The following MEI4 variants were observed in gnomAD, a reference collection of about 807,000 sequenced individuals.
MEI4 encodes meiotic double-stranded break formation protein 4.
A neutral mutation model predicts 31.4 loss-of-function variants in MEI4; 27 were observed. The observed-to-expected ratio is 0.86, with a 90% CI of 0.63 to 1.19. MEI4 has a LOEUF of 1.19. Among genes scored for constraint, MEI4 ranks in the 50% most tolerant of loss-of-function variants. The pLI, the probability that MEI4 is intolerant of heterozygous loss-of-function variation, is 0.00. For synonymous variants in MEI4, 122 were observed against 145.4 expected (o/e 0.84, Z 1.16); for missense variants, 329 against 398.9 (o/e 0.82, Z 1.49).
intron 1 of MEI4, among the ~76,000 whole-genome samples, chr6:77,683,349 A>G (rs534149223): frequency 6.6e-6 from 1 of 152,320 alleles, no homozygotes; most frequent in South Asian, 2.1e-4. Flanking sequence ...AGACATTGAG[A>G]AATGATTAAG....
At chr6:77,821,391 A>G (rs142426890) in intron 3 of MEI4, among the ~76,000 whole-genome samples, 190 of 152,244 alleles carry the variant, frequency 1.2e-3, no homozygotes, top group African/African-American at 4.4e-3. Flanking sequence ...TTGTATTTGC[A>G]TCTTGCAGTT....
At chr6:77,830,095 T>C (rs1582191897) in intron 4 of MEI4, among the ~76,000 whole-genome samples, 1 of 152,070 alleles carries the variant, frequency 6.6e-6, no homozygotes, top group African/African-American at 2.4e-5. Context: ...GATGTTTTCA[T>C]AGGAGTTCCA....
chr6:77,840,357 G>A (rs981625095), intron 4 of MEI4, among the ~76,000 whole-genome samples: 10 of 152,102 alleles, frequency 6.6e-5, no homozygotes, highest in Admixed American at 2.0e-4. Flanking sequence ...AGGAATCTGT[G>A]AAACAATACC....
intron 4 of MEI4, among the ~76,000 whole-genome samples, chr6:77,905,941 G>T (rs1295027508): frequency 6.6e-6 from 1 of 150,642 alleles, no homozygotes; most frequent in South Asian, 2.1e-4. Flanking sequence ...CAAATAACTT[G>T]TCTCTAAATC....
chr6:77,766,005 G>T (rs1768165635), intron 3 of MEI4, among the ~76,000 whole-genome samples: 1 of 151,630 alleles, frequency 6.6e-6, no homozygotes, highest in Non-Finnish European at 1.5e-5. Context: ...ACAGGAAGGG[G>T]ACCATCAGCT....
intron 4 of MEI4, among the ~76,000 whole-genome samples, chr6:77,883,745 A>ATATAT (rs55947073): frequency 0.049 from 3,990 of 82,210 alleles, 213 homozygotes; most frequent in Middle Eastern, 0.082. Flanking sequence ...TATATATATA[A>ATATAT]CTTTGTCTTT....
chr6:77,771,707 T>A (rs1186051844), intron 3 of MEI4, among the ~76,000 whole-genome samples: 2 of 152,102 alleles, frequency 1.3e-5, no homozygotes, highest in Non-Finnish European at 1.5e-5. Context: ...ATATTACATG[T>A]TCTCACTTAT....
At chr6:77,653,037 C>G (rs151043969), upstream of MEI4, among the ~76,000 whole-genome samples, 33 of 152,316 alleles carry the variant, frequency 2.2e-4, no homozygotes, top group East Asian at 6.0e-3. Flanking sequence ...CCTCCCACCC[C>G]TGATGAGGCG....
intron 2 of MEI4, among the ~76,000 whole-genome samples, chr6:77,719,081 C>T (rs1766653924): frequency 7.2e-6 from 1 of 138,520 alleles, no homozygotes; most frequent in South Asian, 2.3e-4. Context: ...TGTTAAGTCG[C>T]TATCAACAGC....
chr6:77,860,122 C>A (rs945571966), intron 4 of MEI4, among the ~76,000 whole-genome samples: 9 of 152,158 alleles, frequency 5.9e-5, no homozygotes, highest in Non-Finnish European at 1.2e-4. Context: ...GGGCATTGAG[C>A]ATTCTCATTT....
chr6:77,902,399 G>C (rs1351238928), intron 4 of MEI4, among the ~76,000 whole-genome samples: 1 of 151,968 alleles, frequency 6.6e-6, no homozygotes, highest in Non-Finnish European at 1.5e-5. Flanking sequence ...GAATTTTATA[G>C]TTTTTAATGT....
intron 1 of MEI4, among the ~76,000 whole-genome samples, chr6:77,657,125 A>T (rs2504278): frequency 0.78 from 118,197 of 152,150 alleles, 46,200 homozygotes; most frequent in African/African-American, 0.87. Context: ...TTCAAAAATA[A>T]GGCTACTGCA....
chr6:77,688,944 G>A (rs7747326), intron 1 of MEI4, among the ~76,000 whole-genome samples: 3,162 of 152,054 alleles, frequency 0.021, 120 homozygotes, highest in African/African-American at 0.072. Context: ...TAAAATAAGT[G>A]GAGCTATAAT....
At chr6:77,743,294 C>A (rs1336820978) in intron 2 of MEI4, among the ~76,000 whole-genome samples, 1 of 152,008 alleles carries the variant, frequency 6.6e-6, no homozygotes, top group African/African-American at 2.4e-5. Context: ...TCTTTTATTT[C>A]CTTGAGCAGT....
intron 4 of MEI4, among the ~76,000 whole-genome samples, chr6:77,890,641 A>G (rs1429372621): frequency 6.6e-6 from 1 of 152,092 alleles, no homozygotes; most frequent in Non-Finnish European, 1.5e-5. Flanking sequence ...AAATGTGAGG[A>G]CATGAGATTA....
In MEI4 at chr6:77,924,021, A is replaced by ATAATAGTCTTGT. The variant is rs1461239504; in HGVS notation, c.*676_*687dup. 6 of 151,772 alleles carry ATAATAGTCTTGT rather than the reference A, an allele frequency of 4.0e-5. No individual in the cohort carries two copies. Among genetic ancestry groups the ATAATAGTCTTGT allele is most frequent in the African/African-American group, 1.4e-4 (6 of 41,422 alleles). 9.4% of individuals were successfully genotyped at this position (151,772 alleles called of 1,614,324 possible). A position where few individuals can be genotyped will look rare whatever the true frequency, so the allele number is the denominator to read the frequency against. ...TTCAATTCTGTTAATTAAATATGTTATAATAGTCTTGTAATTGTTAAATAG... is the reference window on the plus strand; with the variant it reads ...TTCAATTCTGTTAATTAAATATGTTATAATAGTCTTGTTAATAGTCTTGTAATTGTTAAATAG... On this transcript the variant is annotated 3_prime_UTR_variant, in exon 5 of 5. Coordinates refer to ENST00000684080, the MANE Select transcript of MEI4 (RefSeq NM_001322247.2).
At chr6:77,729,784 A>T (rs545651531) in intron 2 of MEI4, among the ~76,000 whole-genome samples, 1 of 152,206 alleles carries the variant, frequency 6.6e-6, no homozygotes, top group Non-Finnish European at 1.5e-5. Context: ...GTCTATGCTT[A>T]GGAATAATTA....
rs181162860 is a variant in MEI4 at position 77,779,815 on chromosome 6, A to G, written c.768+18150A>G. On this transcript the variant is annotated intron_variant, in intron 3 of 4. Coordinates refer to ENST00000684080, the MANE Select transcript of MEI4 (RefSeq NM_001322247.2). ...GGCATGCAGATGGCTGTGGTTGTTC[A>G]TGTTCATTTTGAGAGTTAACACTTT... is the stretch of plus-strand genomic sequence containing the variant. Among the ~76,000 whole-genome samples the G allele has an allele frequency of 3.9e-5, 6 of 152,264 alleles. No homozygotes were observed. The East Asian group carries it at 1.2e-3, about 29-fold the overall frequency.
upstream of MEI4, among the ~76,000 whole-genome samples, chr6:77,651,363 T>A (rs1768295082): frequency 6.6e-6 from 1 of 152,202 alleles, no homozygotes; most frequent in Admixed American, 6.5e-5. Context: ...AAGCTTTGAA[T>A]GGTTTTAAAG....
Sources: allele counts gnomAD v4.1 joint callset (sites outside exome capture counted in the v4.1 genomes callset), GRCh38; gene constraint gnomAD v4.1.1; transcripts MANE v1.5; gene names NCBI Gene and HGNC (gene_info 2026-07-23, HGNC 2026-07-21).